AGPAT3: variants seen among roughly 807,000 people sequenced by gnomAD.
The protein encoded by AGPAT3 is 1-acylglycerol-3-phosphate O-acyltransferase 3.
Under a neutral mutation model 47.3 loss-of-function variants are expected in AGPAT3, and 5 were observed. The observed-to-expected ratio is 0.11, with a 90% CI of 0.06 to 0.22. The LOEUF (loss-of-function observed/expected upper bound fraction) is 0.22. Among genes scored for constraint, AGPAT3 ranks in the 10% least tolerant of loss-of-function variants. The pLI, the probability that AGPAT3 is intolerant of heterozygous loss-of-function variation, is 1.00. For missense variants in AGPAT3, 315 were observed against 493.0 expected, an observed-to-expected ratio of 0.64 and a Z score of 3.42; for synonymous variants, 212 against 208.3, an observed-to-expected ratio of 1.02 and a Z score of -0.15.
At position 43,959,783 on chromosome 21, in the gene AGPAT3, C is replaced by G; in HGVS notation, c.102C>G (p.Cys34Trp). 6.2e-7 allele frequency: 1 copy of G among 1,613,560 alleles called. No individual in the cohort carries two copies. Reference sequence around the variant, plus strand: ...TGGTCATCAACTTCGTCCAGCTGTGCACGCTGGCGCTCTGGCCGGTCAGCA... The same window carrying G: ...TGGTCATCAACTTCGTCCAGCTGTGGACGCTGGCGCTCTGGCCGGTCAGCA... ...SGLVINFVQL[C>W]TLALWPVSKQ... Residue 34 changes from cysteine (C) to tryptophan (W), a missense_variant, in exon 3 of 10, where the codon TGC becomes TGG. By Grantham distance (215) the Cys-to-Trp change is radical. Coordinates refer to ENST00000291572, the MANE Select transcript of AGPAT3 (RefSeq NM_020132.5).
At chr21:43,957,697 GGGTTTCCCCCTCCACACGGGGGTCTCT>G (rs2146580062) in intron 2 of AGPAT3, among the ~76,000 whole-genome samples, 4 of 147,052 alleles carry the variant, frequency 2.7e-5, no homozygotes, top group South Asian at 2.1e-4. Context: ...GGGGGGTCTC[GGGTTTCCCCCTCCACACGGGGGTCTCT>G]GGTTTCCCCC....
At chr21:43,867,845 C>G (rs1337950816) in intron 1 of AGPAT3, 1 of 152,166 alleles carries the variant, frequency 6.6e-6, no homozygotes, top group Non-Finnish European at 1.5e-5. Context: ...GACAGTTGCT[C>G]AGAAATTTCA....
chr21:43,923,455 G>C (rs2086956205), intron 2 of AGPAT3, among the ~76,000 whole-genome samples: 5 of 152,320 alleles, frequency 3.3e-5, no homozygotes, highest in Admixed American at 6.5e-5. Context: ...CCCACAAGCA[G>C]TGCTCCAGGG....
intron 5 of AGPAT3, 35 bp downstream of exon 5, chr21:43,969,314 C>G: frequency 6.2e-7 from 1 of 1,609,532 alleles, no homozygotes; most frequent in Non-Finnish European, 8.5e-7. Flanking sequence ...CCCTGCATGC[C>G]TGGAGGAGGC....
At chr21:43,980,397 A>G (rs965359847) in intron 8 of AGPAT3, among the ~76,000 whole-genome samples, 1 of 151,782 alleles carries the variant, frequency 6.6e-6, no homozygotes, top group African/African-American at 2.4e-5. Context: ...TGTCTGCTCT[A>G]TCAGGCATGG....
At position 43,930,986 on chromosome 21, in the gene AGPAT3, G is replaced by A. The variant is rs1422311109; in HGVS notation, c.-49+26967G>A. On this transcript the variant is annotated intron_variant, in intron 2 of 9. Coordinates refer to ENST00000291572, the MANE Select transcript of AGPAT3 (RefSeq NM_020132.5). This position sits in a 1 kb window ranked among gnomAD's most constrained non-coding sequence, Gnocchi z 5.0. ...GGGGCTGTGGGGGCTCTAGAGTGGG[G>A]GTGAACGCACGTCTGAGGCTCATCA... 6.6e-6 allele frequency among the ~76,000 whole-genome samples: 1 copy of A among 152,144 alleles called. No individual in the cohort carries two copies. Among genetic ancestry groups the A allele is most frequent in the African/African-American group, 2.4e-5 (1 of 41,442 alleles).
At chr21:43,957,489 C>T (rs934503882) in intron 2 of AGPAT3, among the ~76,000 whole-genome samples, 4 of 148,260 alleles carry the variant, frequency 2.7e-5, no homozygotes, top group African/African-American at 5.1e-5. Context: ...CGGGGGGTCT[C>T]GGGTTTCCCC....
Position 43,984,768 on chromosome 21 carries a change from A to T in AGPAT3, c.*2376A>T. 6.1e-6 allele frequency: 1 copy of T among 164,692 alleles called. No homozygotes were observed. Among genetic ancestry groups the T allele is most frequent in the East Asian group, 1.8e-4 (1 of 5,488 alleles). The allele number at this position is 164,692 out of a possible 1,614,324, so 10.2% of individuals were successfully genotyped here. On this transcript the variant is annotated 3_prime_UTR_variant, in exon 10 of 10. Transcript: ENST00000291572. ...AGAGCTCCTTTACATTTTTTAAATTAAATTCATAAATCCCAGAACAGTCTT... is the reference window on the plus strand; with the variant it reads ...AGAGCTCCTTTACATTTTTTAAATTTAATTCATAAATCCCAGAACAGTCTT...
At chr21:43,944,176 C>A (rs1476063019) in intron 2 of AGPAT3, among the ~76,000 whole-genome samples, 1 of 152,256 alleles carries the variant, frequency 6.6e-6, no homozygotes, top group East Asian at 1.9e-4. Flanking sequence ...AGAATCTGTG[C>A]CCCAAATGTC....
At chr21:43,916,005 T>C (rs1000827479) in intron 2 of AGPAT3, among the ~76,000 whole-genome samples, 11 of 152,202 alleles carry the variant, frequency 7.2e-5, no homozygotes, top group Non-Finnish European at 8.8e-5. Flanking sequence ...ACTTCTATTT[T>C]CCCTTTAAGA....
chr21:43,913,851 A>G (rs1017257379), intron 2 of AGPAT3, among the ~76,000 whole-genome samples: 2 of 152,350 alleles, frequency 1.3e-5, no homozygotes, highest in African/African-American at 4.8e-5. Flanking sequence ...GAGACCTCTA[A>G]TATGGTGTTG....
At position 43,939,273 on chromosome 21, in the gene AGPAT3, G is replaced by A. The variant is rs1450277447; in HGVS notation, c.-48-20361G>A. 2.6e-5 allele frequency among the ~76,000 whole-genome samples: 4 copies of A among 152,040 alleles called. No homozygotes were observed. The highest frequency in any genetic ancestry group is 4.4e-5 in the Non-Finnish European group (3 of 67,980). ...CCCATCCCCGTCCCCGTGTGCTGTCGAGGGCCTCTAGCGGGCGCTCCCTTG... is the reference window on the plus strand; with the variant it reads ...CCCATCCCCGTCCCCGTGTGCTGTCAAGGGCCTCTAGCGGGCGCTCCCTTG... On this transcript the variant is annotated intron_variant, in intron 2 of 9. Coordinates refer to ENST00000291572, the MANE Select transcript of AGPAT3 (RefSeq NM_020132.5). The surrounding 1 kb of genome is among the most constrained non-coding windows in gnomAD (Gnocchi z 4.4).
intron 8 of AGPAT3, among the ~76,000 whole-genome samples, chr21:43,980,783 G>T (rs919545115): frequency 6.6e-6 from 1 of 152,220 alleles, no homozygotes; most frequent in Non-Finnish European, 1.5e-5. Flanking sequence ...TGATATGCTT[G>T]CGAGCTCTCG....
At chr21:43,926,258 G>A (rs2087048298) in intron 2 of AGPAT3, among the ~76,000 whole-genome samples, 1 of 152,218 alleles carries the variant, frequency 6.6e-6, no homozygotes, top group Admixed American at 6.5e-5. Context: ...TCCTCCAGCA[G>A]CGGTGAAATC....
chr21:43,881,031 A>G (rs965801114), intron 1 of AGPAT3, among the ~76,000 whole-genome samples: 1 of 152,204 alleles, frequency 6.6e-6, no homozygotes, highest in Non-Finnish European at 1.5e-5. Context: ...TTGGAAAAAA[A>G]GAAAATTGAG....
At chr21:43,977,751 G>T (rs2089673785) in intron 7 of AGPAT3, among the ~76,000 whole-genome samples, 1 of 152,200 alleles carries the variant, frequency 6.6e-6, no homozygotes, top group Non-Finnish European at 1.5e-5. Context: ...GCTGGGCGTG[G>T]TGGCGCATGC....
intron 8 of AGPAT3, among the ~76,000 whole-genome samples, chr21:43,979,515 G>A (rs2089765299): frequency 1.3e-5 from 2 of 152,024 alleles, no homozygotes; most frequent in Admixed American, 1.3e-4. Context: ...CATTCAAGGC[G>A]GGACGTTAGA....
intron 1 of AGPAT3, among the ~76,000 whole-genome samples, chr21:43,901,765 A>G (rs2086363469): frequency 6.6e-6 from 1 of 152,208 alleles, no homozygotes; most frequent in Admixed American, 6.5e-5. Context: ...ACAGCATGAG[A>G]CTGTCTCAAA....
chr21:43,971,374 G>A lies in AGPAT3; in HGVS notation c.665-14G>A, dbSNP rs3737360. On this transcript the variant is annotated splice_polypyrimidine_tract_variant and intron_variant, in intron 6 of 9. Coordinates refer to ENST00000291572, the MANE Select transcript of AGPAT3 (RefSeq NM_020132.5). ...CCTGGGCTGGGTCATTCACCCTCCC[G>A]TCTCCTCCCACAGTCGCAGCTGTCT... 15,754 of 1,612,986 alleles carry A rather than the reference G, an allele frequency of 9.8e-3. 781 individuals are homozygous for A. In the East Asian group the frequency reaches 0.12, roughly 12 times the overall value.
Sources: gnomAD v4.1 joint callset for allele counts (sites outside exome capture counted in the v4.1 genomes callset) on GRCh38, gnomAD v4.1.1 for gene constraint, Gnocchi (gnomAD v3.1) non-coding constraint, MANE v1.5 for transcripts, NCBI Gene and HGNC (gene_info 2026-07-23, HGNC 2026-07-21) for gene names.